CDH20: variants seen among roughly 807,000 people sequenced by gnomAD.
CDH20 encodes cadherin 20, also known as cadherin-20.
In CDH20, 29 loss-of-function variants were observed where a neutral mutation model predicts 74.2. That is an observed-to-expected ratio of 0.39 (90% CI 0.29 to 0.53). The LOEUF is 0.53. Among genes scored for constraint, CDH20 ranks in the 20% least tolerant of loss-of-function variants. The pLI, the probability that CDH20 is intolerant of heterozygous loss-of-function variation, is 0.69. For synonymous variants in CDH20, 469 were observed against 405.4 expected (o/e 1.16, Z -1.88); for missense variants, 988 against 1,048.3 (o/e 0.94, Z 0.79).
intron 7 of CDH20, among the ~76,000 whole-genome samples, chr18:61,534,889 T>C (rs930722513): frequency 1.3e-5 from 2 of 152,186 alleles, no homozygotes; most frequent in African/African-American, 4.8e-5. Flanking sequence ...AATGGTATCA[T>C]TGCAAAAAAC....
chr18:61,432,244 CA>C (rs552208549), intron 1 of CDH20, among the ~76,000 whole-genome samples: 1,828 of 81,754 alleles, frequency 0.022, 19 homozygotes, highest in Middle Eastern at 0.055. Flanking sequence ...AACTCTATCT[CA>C]AAAAAAAAAA....
chr18:61,499,821 G>A (rs1189487582), intron 3 of CDH20, among the ~76,000 whole-genome samples: 2 of 152,104 alleles, frequency 1.3e-5, no homozygotes, highest in Non-Finnish European at 2.9e-5. Context: ...AGGGTTAGGC[G>A]CGGTGGCTCA....
chr18:61,527,145 A>C (rs928983306), intron 6 of CDH20, among the ~76,000 whole-genome samples: 1 of 152,204 alleles, frequency 6.6e-6, no homozygotes, highest in African/African-American at 2.4e-5. Flanking sequence ...ACACTGTTGC[A>C]TTCTAGCCTG....
At chr18:61,437,024 T>A (rs1908861275) in intron 1 of CDH20, among the ~76,000 whole-genome samples, 1 of 152,184 alleles carries the variant, frequency 6.6e-6, no homozygotes, top group South Asian at 2.1e-4. Context: ...AGTAGAACTA[T>A]TCCTGGAACA....
chr18:61,459,367 T>C (rs1386808564), intron 1 of CDH20, among the ~76,000 whole-genome samples: 2 of 152,168 alleles, frequency 1.3e-5, no homozygotes. Flanking sequence ...TAAACACTGA[T>C]TTTTAAAATA....
intron 11 of CDH20, 39 bp from the exon 12 acceptor site, chr18:61,554,151 T>G: frequency 6.3e-7 from 1 of 1,578,476 alleles, no homozygotes; most frequent in Non-Finnish European, 8.6e-7. Context: ...CACAGCCACA[T>G]CTCCTCGGTA....
intron 2 of CDH20, 103 bp from the exon 3 acceptor site, chr18:61,499,083 C>A (rs1018865298): frequency 4.7e-6 from 4 of 855,886 alleles, no homozygotes; most frequent in Non-Finnish European, 7.0e-6. Flanking sequence ...GAAAAATCTC[C>A]TTATGTAAAG....
At chr18:61,478,047 AAGTT>A (rs1910453869) in intron 1 of CDH20, among the ~76,000 whole-genome samples, 1 of 152,066 alleles carries the variant, frequency 6.6e-6, no homozygotes, top group Non-Finnish European at 1.5e-5. Context: ...AAAAATTAAA[AAGTT>A]AGTCAGACGT....
chr18:61,530,041 A>G (rs1912586978), intron 7 of CDH20, among the ~76,000 whole-genome samples: 1 of 152,208 alleles, frequency 6.6e-6, no homozygotes, highest in Non-Finnish European at 1.5e-5. Context: ...AATTGGTGAG[A>G]ACAAGGCCAC....
intron 1 of CDH20, among the ~76,000 whole-genome samples, chr18:61,380,763 C>T (rs1279761863): frequency 1.3e-5 from 2 of 152,106 alleles, no homozygotes; most frequent in African/African-American, 4.8e-5. Flanking sequence ...GAGCCGAGAT[C>T]GTGCCACTGC....
chr18:61,500,954 G>A (rs997741017), intron 4 of CDH20, among the ~76,000 whole-genome samples: 3 of 152,150 alleles, frequency 2.0e-5, no homozygotes, highest in Admixed American at 6.5e-5. Flanking sequence ...AAAGCAATTG[G>A]GAAATTGAGA....
At chr18:61,441,629 C>T (rs1164702914) in intron 1 of CDH20, among the ~76,000 whole-genome samples, 1 of 152,050 alleles carries the variant, frequency 6.6e-6, no homozygotes, top group Non-Finnish European at 1.5e-5. Context: ...TGGATAGGGG[C>T]CCCATACCTT....
At chr18:61,525,834 G>T (rs2055411586) in intron 6 of CDH20, among the ~76,000 whole-genome samples, 1 of 151,828 alleles carries the variant, frequency 6.6e-6, no homozygotes, top group Non-Finnish European at 1.5e-5. Context: ...TTTGAGACAA[G>T]GTGTCTCCGT....
intron 1 of CDH20, among the ~76,000 whole-genome samples, chr18:61,455,141 T>G (rs1393651346): frequency 6.6e-6 from 1 of 152,198 alleles, no homozygotes; most frequent in Admixed American, 6.5e-5. Flanking sequence ...AGGCATTCTA[T>G]AAAATACCTA....
intron 1 of CDH20, among the ~76,000 whole-genome samples, chr18:61,461,965 T>C (rs1280220154): frequency 5.3e-5 from 8 of 152,138 alleles, no homozygotes; most frequent in African/African-American, 1.9e-4. Context: ...AACGAAGACT[T>C]GGCCCGCATT....
intron 1 of CDH20, among the ~76,000 whole-genome samples, chr18:61,342,597 C>T (rs1272506202): frequency 6.6e-6 from 1 of 152,230 alleles, no homozygotes; most frequent in Non-Finnish European, 1.5e-5. Context: ...CTGTCTTCTA[C>T]TCACTAGATA....
At chr18:61,476,175 A>G (rs60186451) in intron 1 of CDH20, among the ~76,000 whole-genome samples, 1,914 of 152,270 alleles carry the variant, frequency 0.013, 43 homozygotes, top group African/African-American at 0.044. Context: ...AGAATGCCGC[A>G]GAAGACATGG....
At chr18:61,340,882 G>T (rs1212708524) in intron 1 of CDH20, among the ~76,000 whole-genome samples, 1 of 152,136 alleles carries the variant, frequency 6.6e-6, no homozygotes, top group African/African-American at 2.4e-5. Flanking sequence ...ATTTGAAAGG[G>T]CTACCAAATA....
intron 1 of CDH20, among the ~76,000 whole-genome samples, chr18:61,461,184 C>T (rs76831685): frequency 0.024 from 3,655 of 151,944 alleles, 164 homozygotes; most frequent in East Asian, 0.12. Flanking sequence ...TTATTACTCA[C>T]GAGTATTCTA....
Sources: allele counts gnomAD v4.1 joint callset (sites outside exome capture counted in the v4.1 genomes callset), GRCh38; gene constraint gnomAD v4.1.1; transcripts MANE v1.5; gene names NCBI Gene and HGNC (gene_info 2026-07-23, HGNC 2026-07-21).